VASN: variants seen among roughly 807,000 people sequenced by gnomAD.
VASN encodes protein slit-like 2.
A neutral mutation model predicts 4.8 loss-of-function variants in VASN; 5 were observed. That is an observed-to-expected ratio of 1.03 (90% CI 0.54 to 2.17). VASN has a LOEUF of 2.17. Ranked by LOEUF, VASN falls within the 30% of genes most tolerant of loss-of-function variation. The pLI, the probability that VASN is intolerant of heterozygous loss-of-function variation, is 0.01. For synonymous variants in VASN, 499 were observed against 460.8 expected, an observed-to-expected ratio of 1.08 and a Z score of -1.06; for missense variants, 927 against 948.8, an observed-to-expected ratio of 0.98 and a Z score of 0.30.
intron 1 of VASN, among the ~76,000 whole-genome samples, chr16:4,376,187 C>T (rs1464044324): frequency 6.6e-6 from 1 of 152,230 alleles, no homozygotes; most frequent in African/African-American, 2.4e-5. Flanking sequence ...GACCTCTCTG[C>T]CCTGCCCTTG....
intron 1 of VASN, among the ~76,000 whole-genome samples, chr16:4,376,463 G>A (rs961730275): frequency 1.3e-5 from 2 of 152,150 alleles, no homozygotes; most frequent in Non-Finnish European, 2.9e-5. Context: ...TGAAGCATAC[G>A]GCACAGGAGG....
At chr16:4,376,425 A>G (rs1271606154) in intron 1 of VASN, among the ~76,000 whole-genome samples, 2 of 152,128 alleles carry the variant, frequency 1.3e-5, no homozygotes, top group Non-Finnish European at 2.9e-5. Context: ...TCAGGGTCAG[A>G]CCTGCAGCGC....
At chr16:4,373,190 G>A (rs1424566456) in intron 1 of VASN, among the ~76,000 whole-genome samples, 1 of 152,154 alleles carries the variant, frequency 6.6e-6, no homozygotes, top group African/African-American at 2.4e-5. Context: ...TCTCCCAGGG[G>A]AGTTGGCCTG....
In VASN at chr16:4,382,287, G is replaced by T. The variant is rs762446209; in HGVS notation, c.1410G>T (p.Pro470=). 1 of 1,609,656 alleles carries T rather than the reference G, an allele frequency of 6.2e-7. No homozygotes were observed. ...GGTCCCTGACCCTGGGCATCGAGCC[G>T]GTGAGCCCCACCTCCCTGCGCGTGG... ...PPRSLTLGIE[P]VSPTSLRVGL... Residue 470 remains proline (P), a synonymous_variant, in exon 2 of 2, where the codon CCG becomes CCT. Coordinates refer to ENST00000304735, the MANE Select transcript of VASN (RefSeq NM_138440.3).
rs140274177 is a variant in VASN, at chr16:4,381,025, G to T, written c.148G>T (p.Val50Leu). 69 of 1,610,110 alleles carry T rather than the reference G, an allele frequency of 4.3e-5. No homozygotes were observed. In the African/African-American group the frequency reaches 8.8e-4, roughly 21 times the overall value. The part of the protein sequence containing the change: ...ARQGTTVPRD[V>L]PPDTVGLYVF... ...CCAGGGGACCACGGTGCCCCGAGACGTGCCACCCGACACGGTGGGGCTGTA... is the reference window on the plus strand; with the variant it reads ...CCAGGGGACCACGGTGCCCCGAGACTTGCCACCCGACACGGTGGGGCTGTA... Residue 50 changes from valine to leucine, a missense_variant, in exon 2 of 2, where the codon GTG (valine) becomes TTG (leucine). Physicochemically the swap from Val to Leu is conservative, Grantham distance 32. Coordinates refer to ENST00000304735, the MANE Select transcript of VASN (RefSeq NM_138440.3).
intron 1 of VASN, among the ~76,000 whole-genome samples, chr16:4,374,122 C>T (rs1280167185): frequency 6.7e-6 from 1 of 148,600 alleles, no homozygotes; most frequent in Non-Finnish European, 1.5e-5. Flanking sequence ...GGAGCACTGC[C>T]CAGTGGGCGT....
chr16:4,378,522 C>T (rs951054804), intron 1 of VASN, among the ~76,000 whole-genome samples: 2 of 152,178 alleles, frequency 1.3e-5, no homozygotes, highest in Non-Finnish European at 2.9e-5. Flanking sequence ...GGCCAGGCCG[C>T]ACCCGCCGTC....
intron 1 of VASN, among the ~76,000 whole-genome samples, chr16:4,372,424 C>A (rs2054568265): frequency 6.6e-6 from 1 of 152,246 alleles, no homozygotes; most frequent in Non-Finnish European, 1.5e-5. Context: ...TGCCCGGGGT[C>A]CTCTGGACCC....
intron 1 of VASN, among the ~76,000 whole-genome samples, chr16:4,373,629 C>T (rs1004940194): frequency 2.0e-5 from 3 of 152,122 alleles, no homozygotes; most frequent in Non-Finnish European, 4.4e-5. Flanking sequence ...GAGATGGGTC[C>T]GCGGCTCCTA....
intron 1 of VASN, among the ~76,000 whole-genome samples, chr16:4,380,231 A>AT (rs944303163): frequency 3.6e-4 from 55 of 152,070 alleles, no homozygotes; most frequent in African/African-American, 1.3e-3. Flanking sequence ...GACACCTGCC[A>AT]ATGCCTGTGG....
In VASN at chr16:4,381,251, G is replaced by T. The variant is rs750677669; in HGVS notation, c.374G>T (p.Arg125Leu). The T allele has an allele frequency of 1.2e-6, 2 of 1,611,352 alleles. No homozygotes were observed. Among genetic ancestry groups the T allele is most frequent in the Non-Finnish European group, 8.5e-7 (1 of 1,179,334 alleles). ...AATGAGACCTTCCGTGGCCTGCGGC[G>T]CCTCGAGCGCCTCTACCTGGGCAAG... ...ITNETFRGLR[R>L]LERLYLGKNR... Residue 125 changes from arginine to leucine, a missense_variant, in exon 2 of 2, where the codon CGC becomes CTC. Coordinates refer to ENST00000304735, the MANE Select transcript of VASN (RefSeq NM_138440.3).
intron 1 of VASN, among the ~76,000 whole-genome samples, chr16:4,377,488 A>C (rs1013394319): frequency 1.9e-4 from 29 of 152,166 alleles, no homozygotes; most frequent in African/African-American, 6.5e-4. Context: ...TCCCCATTTG[A>C]AAACAAACAG....
intron 1 of VASN, among the ~76,000 whole-genome samples, chr16:4,378,201 A>G (rs1245015295): frequency 6.6e-6 from 1 of 152,178 alleles, no homozygotes; most frequent in Non-Finnish European, 1.5e-5. Flanking sequence ...ACTCAGATGA[A>G]GAAACCGAGG....
intron 1 of VASN, among the ~76,000 whole-genome samples, chr16:4,375,478 C>G (rs2054684938): frequency 6.6e-6 from 1 of 152,020 alleles, no homozygotes; most frequent in South Asian, 2.1e-4. Context: ...CTGCCTGGGT[C>G]TCACTCCTAG....
chr16:4,373,512 C>T (rs1475369318), intron 1 of VASN, among the ~76,000 whole-genome samples: 1 of 152,112 alleles, frequency 6.6e-6, no homozygotes, highest in African/African-American at 2.4e-5. Flanking sequence ...TGGGATTCAG[C>T]ATAAGGAGCC....
chr16:4,382,843 A>G lies in VASN; in HGVS notation c.1966A>G (p.Met656Val), dbSNP rs773308764. 4 of 1,594,876 alleles carry G rather than the reference A, an allele frequency of 2.5e-6. No individual in the cohort carries two copies. The highest frequency in any genetic ancestry group is 1.8e-5 in the Admixed American group (1 of 57,130). ...CGGGTCTGAGTGTGAGGTGCCACTC[A>G]TGGGCTTCCCAGGGCCTGGCCTCCA... ...PSGSECEVPLMGFPGPGLQSP... is the reference protein window; with the variant it reads ...PSGSECEVPLVGFPGPGLQSP... The change falls in exon 2 of 2, where the codon ATG becomes GTG. Residue 656 changes from methionine to valine, a missense_variant. Transcript: ENST00000304735.
Position 4,381,792 on chromosome 16 carries a change from CCT to C in VASN, c.916_917del (p.Leu306GlufsTer18), listed in dbSNP as rs1186423885. 4.4e-6 allele frequency: 7 copies of C among 1,600,490 alleles called. No homozygotes were observed. Among genetic ancestry groups the C allele is most frequent in the African/African-American group, 4.0e-5 (3 of 74,914 alleles). On this transcript the variant is annotated frameshift_variant, in exon 2 of 2. Coordinates refer to ENST00000304735, the MANE Select transcript of VASN (RefSeq NM_138440.3). LOFTEE classifies it low-confidence loss of function (END_TRUNC). ...ARNPFNCVCP[L>X]SWFGPWVRES... ...GCAACCCCTTCAACTGCGTGTGCCC[CCT>C]GAGCTGGTTTGGCCCCTGGGTGCGC...
rs764782066 is a variant in VASN, at chr16:4,381,729, G to A, written c.852G>A (p.Ser284=). Reference sequence around the variant, plus strand: ...TGCAGGCCCTGCCTGGCGACCTCTCGGGCCTCTTCCCCCGCCTGCGGCTGC... The same window carrying A: ...TGCAGGCCCTGCCTGGCGACCTCTCAGGCCTCTTCCCCCGCCTGCGGCTGC... ...LSLQALPGDL[S]GLFPRLRLLA... Residue 284 remains serine, a synonymous_variant, in exon 2 of 2, where the codon TCG becomes TCA. Coordinates refer to ENST00000304735, the MANE Select transcript of VASN (RefSeq NM_138440.3). The A allele has an allele frequency of 2.8e-5, 45 of 1,605,734 alleles. No individual in the cohort carries two copies. Among genetic ancestry groups the A allele is most frequent in the South Asian group, 4.4e-5 (4 of 90,974 alleles).
In VASN at chr16:4,381,372, G is replaced by A. The variant is rs740374; in HGVS notation, c.495G>A (p.Pro165=). The A allele has an allele frequency of 1.9e-5, 30 of 1,589,872 alleles. No individual in the cohort carries two copies. Among genetic ancestry groups the A allele is most frequent in the African/African-American group, 9.4e-5 (7 of 74,114 alleles). ...ACAACGAGCTGCGGGCACTGCCCCC[G>A]CTGCGCCTGCCCCGCCTGCTGCTGC... ...LQDNELRALP[P]LRLPRLLLLD... is the part of the protein sequence containing the mutation. Residue 165 remains proline (P), a synonymous_variant, in exon 2 of 2, where the codon CCG becomes CCA. Transcript: ENST00000304735.
Sources: gnomAD v4.1 joint callset for allele counts (sites outside exome capture counted in the v4.1 genomes callset) on GRCh38, gnomAD v4.1.1 for gene constraint, MANE v1.5 for transcripts, NCBI Gene and HGNC (gene_info 2026-07-23, HGNC 2026-07-21) for gene names.